The following KCNN2 variants were observed in gnomAD, a reference collection of about 807,000 sequenced individuals.
The protein encoded by KCNN2 is potassium calcium-activated channel subfamily N member 2, also known as small conductance calcium-activated potassium channel protein 2.
KCNN2 carries 24 observed loss-of-function variants against 55.5 expected under a neutral mutation model. The observed-to-expected ratio is 0.43, with a 90% confidence interval of 0.31 to 0.61. The LOEUF (loss-of-function observed/expected upper bound fraction) is 0.61. Among genes scored for constraint, KCNN2 ranks in the 20% least tolerant of loss-of-function variants. The pLI, the probability that KCNN2 is intolerant of heterozygous loss-of-function variation, is 0.08. For missense variants in KCNN2, 754 were observed against 853.6 expected, an observed-to-expected ratio of 0.88 and a Z score of 1.45; for synonymous variants, 431 against 336.1, an observed-to-expected ratio of 1.28 and a Z score of -3.09.
chr5:114,473,345 T>G, intron 5 of KCNN2, 181 bp downstream of exon 5: 1 of 590,146 alleles, frequency 1.7e-6, no homozygotes, highest in South Asian at 2.1e-5. Flanking sequence ...TTGAGGTCAG[T>G]TAGGAAGTAA....
At chr5:114,131,989 T>C (rs1455031372) in intron 1 of KCNN2, among the ~76,000 whole-genome samples, 1 of 152,238 alleles carries the variant, frequency 6.6e-6, no homozygotes, top group African/African-American at 2.4e-5. Context: ...GTTTTTTTCT[T>C]GTAAATTTGT....
intron 3 of KCNN2, among the ~76,000 whole-genome samples, chr5:114,413,198 A>G (rs758090619): frequency 1.1e-4 from 16 of 152,304 alleles, no homozygotes; most frequent in Middle Eastern, 3.4e-3. Context: ...AAAGTCTTTT[A>G]TGGAAAGAAA....
chr5:114,099,786 A>C (rs1002081409), intron 1 of KCNN2, among the ~76,000 whole-genome samples: 5 of 152,198 alleles, frequency 3.3e-5, no homozygotes, highest in Non-Finnish European at 7.3e-5. Flanking sequence ...AAGACTGTCT[A>C]TATAATGACC....
At chr5:114,248,180 G>C (rs1019078780) in intron 2 of KCNN2, among the ~76,000 whole-genome samples, 9 of 152,184 alleles carry the variant, frequency 5.9e-5, no homozygotes. Flanking sequence ...GGACAGGAAA[G>C]AGGGAAGTGT....
At chr5:114,315,596 A>G (rs1360694989) in intron 2 of KCNN2, among the ~76,000 whole-genome samples, 1 of 152,160 alleles carries the variant, frequency 6.6e-6, no homozygotes, top group African/African-American at 2.4e-5. Context: ...CAAAATCACT[A>G]ACATTGATTA....
intron 1 of KCNN2, among the ~76,000 whole-genome samples, chr5:114,202,099 G>A (rs1007592985): frequency 6.6e-6 from 1 of 152,026 alleles, no homozygotes; most frequent in African/African-American, 2.4e-5. Context: ...CTCCGTGGAG[G>A]AATGCAGCAG....
rs957261188 is a variant in KCNN2, at chr5:114,362,436, C to G, written c.297C>G (p.Phe99Leu). ...LLRTSSPGGA[F>L]RTRTSSPLSG... ...GCACCTCCTCGCCCGGCGGCGCCTT[C>G]CGGACCCGCACCTCCTCGCCGCTGT... The change falls in exon 1 of 8, where the codon TTC (phenylalanine) becomes TTG (leucine). Residue 99 changes from phenylalanine (F) to leucine (L), a missense_variant. Phe to Leu is a conservative substitution (Grantham distance 22). This residue lies in a region of KCNN2 where 381 missense variants were observed against 259.1 expected (regional missense o/e 1.47). Transcript: ENST00000673685. The G allele has an allele frequency of 8.6e-5, 32 of 373,290 alleles. No individual in the cohort carries two copies. The highest frequency in any genetic ancestry group is 1.4e-4 in the Non-Finnish European group (29 of 208,394). The allele number at this position is 373,290 out of a possible 1,614,324, so 23.1% of individuals were successfully genotyped here.
At chr5:114,265,933 G>A (rs578006791) in intron 2 of KCNN2, among the ~76,000 whole-genome samples, 1 of 152,110 alleles carries the variant, frequency 6.6e-6, no homozygotes, top group Non-Finnish European at 1.5e-5. Context: ...AGACAGGGCT[G>A]ATCTCACCAT....
intron 1 of KCNN2, among the ~76,000 whole-genome samples, chr5:114,103,044 C>T (rs1751405066): frequency 6.6e-6 from 1 of 152,128 alleles, no homozygotes; most frequent in Admixed American, 6.6e-5. Context: ...GCCATTTTCA[C>T]GATATTGATT....
rs9286757 is a variant in KCNN2, at chr5:114,339,814, C to T, written c.-184-21131C>T. On this transcript the variant is annotated intron_variant, in intron 2 of 10. Transcript: ENST00000512097. ...CCAGACCTTATCACAAACAAACAAACAAATAAATAAATAAATAAATAAATA... is the reference window on the plus strand; with the variant it reads ...CCAGACCTTATCACAAACAAACAAATAAATAAATAAATAAATAAATAAATA... Among the ~76,000 whole-genome samples, 837 of 147,240 alleles carry T rather than the reference C, an allele frequency of 5.7e-3. 12 individuals are homozygous for T. The highest frequency in any genetic ancestry group is 0.019 in the African/African-American group (743 of 39,108).
Position 114,363,126 on chromosome 5 carries a change from C to G in KCNN2, c.987C>G (p.Ile329Met). The G allele has an allele frequency of 1.2e-6, 2 of 1,613,456 alleles. No homozygotes were observed. Among genetic ancestry groups the G allele is most frequent in the Non-Finnish European group, 1.7e-6 (2 of 1,179,998 alleles). Residue 329 changes from isoleucine (I) to methionine (M), a missense_variant, in exon 1 of 8, where the codon ATC (isoleucine) becomes ATG (methionine). Transcript: ENST00000673685. ...CCAGCAAAAAGAAAAACCAGAACAT[C>G]GGCTACAAGCTGGGCCACCGGCGCG... is the stretch of plus-strand genomic sequence containing the variant. ...TKSSKKKNQN[I>M]GYKLGHRRAL...
intron 3 of KCNN2, among the ~76,000 whole-genome samples, chr5:114,426,311 T>G (rs142484231): frequency 5.3e-5 from 8 of 152,374 alleles, no homozygotes; most frequent in Non-Finnish European, 1.0e-4. Context: ...TTTCAGATGT[T>G]AATCCAAGCT....
chr5:114,152,393 A>T (rs192627945), intron 1 of KCNN2, among the ~76,000 whole-genome samples: 1 of 152,342 alleles, frequency 6.6e-6, no homozygotes, highest in East Asian at 1.9e-4. Flanking sequence ...AAAATCACCA[A>T]ATAAACTCAA....
At chr5:114,241,946 C>T (rs1754652719) in intron 2 of KCNN2, among the ~76,000 whole-genome samples, 1 of 149,042 alleles carries the variant, frequency 6.7e-6, no homozygotes, top group Non-Finnish European at 1.5e-5. Flanking sequence ...TATATAGAAC[C>T]ATGAAGTATG....
intron 1 of KCNN2, among the ~76,000 whole-genome samples, chr5:114,108,283 T>A (rs1425332356): frequency 6.6e-6 from 1 of 152,078 alleles, no homozygotes; most frequent in Non-Finnish European, 1.5e-5. Context: ...CATAGTTTGT[T>A]GAAAATCTGT....
intron 1 of KCNN2, among the ~76,000 whole-genome samples, chr5:114,165,533 T>A (rs976332033): frequency 1.2e-4 from 18 of 152,180 alleles, no homozygotes; most frequent in Non-Finnish European, 2.4e-4. Context: ...AGTTCTTTAC[T>A]TAGTTTATTG....
intron 1 of KCNN2, among the ~76,000 whole-genome samples, chr5:114,084,328 G>A (rs904587949): frequency 2.6e-5 from 4 of 151,880 alleles, no homozygotes; most frequent in Admixed American, 2.6e-4. Flanking sequence ...ACACAGTCCC[G>A]CCAAAGTTTG....
At chr5:114,485,437 C>T (rs1199896180) in intron 5 of KCNN2, among the ~76,000 whole-genome samples, 2 of 152,132 alleles carry the variant, frequency 1.3e-5, no homozygotes, top group Non-Finnish European at 2.9e-5. Flanking sequence ...GCAAGGTCCT[C>T]AAATAACAAC....
intron 1 of KCNN2, among the ~76,000 whole-genome samples, chr5:114,209,060 G>GA (rs1331926720): frequency 8.3e-6 from 1 of 120,980 alleles, no homozygotes; most frequent in Admixed American, 8.8e-5. Context: ...GGTGACTTCT[G>GA]CCTTTTTTTT....
Sources: allele counts gnomAD v4.1 joint callset (sites outside exome capture counted in the v4.1 genomes callset), GRCh38; gene constraint gnomAD v4.1.1; regional missense constraint gnomAD v4.1.1; transcripts MANE v1.5; gene names NCBI Gene and HGNC (gene_info 2026-07-23, HGNC 2026-07-21).